PLXNA2: variants seen among roughly 807,000 people sequenced by gnomAD.
PLXNA2 encodes plexin A2.
Under a neutral mutation model 193.5 loss-of-function variants are expected in PLXNA2, and 91 were observed. The observed-to-expected ratio is 0.47, with a 90% CI of 0.40 to 0.56. PLXNA2 has a LOEUF of 0.56. Ranked by LOEUF, PLXNA2 falls within the 20% of genes least tolerant of loss-of-function variation. PLXNA2 has a pLI of 0.00. For missense variants in PLXNA2, 1,995 were observed against 2,503.2 expected (o/e 0.80, Z 4.33); for synonymous variants, 997 against 1,027.3 (o/e 0.97, Z 0.56).
chr1:208,064,977 G>A (rs78454078), intron 12 of PLXNA2, among the ~76,000 whole-genome samples: 12,265 of 152,156 alleles, frequency 0.081, 823 homozygotes, highest in East Asian at 0.34. Context: ...CACAAAGTTG[G>A]CTCTCCTGGA....
At chr1:208,099,411 G>T (rs1195548021) in intron 5 of PLXNA2, among the ~76,000 whole-genome samples, 2 of 152,156 alleles carry the variant, frequency 1.3e-5, no homozygotes, top group Non-Finnish European at 2.9e-5. Flanking sequence ...CTTGGAGTAT[G>T]TCTTATGTAA....
Position 208,033,488 on chromosome 1 carries a change from C to T in PLXNA2, c.4886G>A (p.Gly1629Asp). The change falls in exon 28 of 32, where the codon GGC becomes GAC. Residue 1629 changes from glycine (G) to aspartate (D), a missense_variant. Around this residue, in one of 3 missense-constraint regions of PLXNA2, gnomAD observed 1,291 missense variants for 1,673.6 expected, o/e 0.77. Coordinates refer to ENST00000367033, the MANE Select transcript of PLXNA2 (RefSeq NM_025179.4). ...SRYDSSFRYT[G>D]SPDSLRSRAP... ...CCGGGACCGCAGGCTGTCGGGGCTG[C>T]CCGTATACCTGAAGGAGGAGTCTGA... The T allele has an allele frequency of 6.2e-7, 1 of 1,610,690 alleles. No individual in the cohort carries two copies. Among genetic ancestry groups the T allele is most frequent in the South Asian group, 1.1e-5 (1 of 90,842 alleles).
At chr1:208,034,839 G>C (rs145130702) in intron 26 of PLXNA2, among the ~76,000 whole-genome samples, 1 of 152,160 alleles carries the variant, frequency 6.6e-6, no homozygotes, top group African/African-American at 2.4e-5. Flanking sequence ...TCCCAACTAA[G>C]ATGAGCTGTG....
At chr1:208,231,174 CA>C (rs1280727404) in intron 1 of PLXNA2, among the ~76,000 whole-genome samples, 5 of 151,948 alleles carry the variant, frequency 3.3e-5, no homozygotes, top group African/African-American at 1.2e-4. Context: ...GAGGTTGAGA[CA>C]GGGGGAAGAA....
chr1:208,086,727 A>G (rs1175950854), intron 9 of PLXNA2, among the ~76,000 whole-genome samples: 1 of 147,992 alleles, frequency 6.8e-6, no homozygotes, highest in Middle Eastern at 3.6e-3. Flanking sequence ...CTTGCTCTTT[A>G]CTGCACTTTC....
At chr1:208,149,446 G>C (rs1015895547) in intron 3 of PLXNA2, among the ~76,000 whole-genome samples, 1 of 151,884 alleles carries the variant, frequency 6.6e-6, no homozygotes, top group African/African-American at 2.4e-5. Context: ...TATGAGTATG[G>C]TATGTGTTGT....
chr1:208,142,173 C>G (rs1458536865), intron 4 of PLXNA2, among the ~76,000 whole-genome samples, 156 bp downstream of exon 4: 8 of 152,210 alleles, frequency 5.3e-5, no homozygotes, highest in Non-Finnish European at 1.2e-4. Flanking sequence ...CTCTCTAGCT[C>G]CCTGCAAAAG....
chr1:208,096,950 CT>C (rs1666918997), intron 6 of PLXNA2, 67 bp from the exon 7 acceptor site: 1 of 1,473,234 alleles, frequency 6.8e-7, no homozygotes, highest in African/African-American at 1.4e-5. Flanking sequence ...AGGTCCAGCC[CT>C]GCTGTGACCC....
At chr1:208,190,870 C>T (rs1037166306) in intron 3 of PLXNA2, among the ~76,000 whole-genome samples, 1 of 152,170 alleles carries the variant, frequency 6.6e-6, no homozygotes, top group African/African-American at 2.4e-5. Context: ...TAATAATGGG[C>T]GTTGCTCTGC....
At chr1:208,142,258 T>C (rs1668478649) in intron 4 of PLXNA2, 71 bp downstream of exon 4, 1 of 1,501,948 alleles carries the variant, frequency 6.7e-7, no homozygotes, top group Non-Finnish European at 8.9e-7. Context: ...CTGAACAGTT[T>C]CTGAACAAAG....
Position 208,038,914 on chromosome 1 carries a change from G to T in PLXNA2, c.4571C>A (p.Thr1524Asn). Residue 1524 changes from threonine (T) to asparagine (N), a missense_variant, in exon 25 of 32, where the codon ACC (threonine) becomes AAC (asparagine). Transcript: ENST00000367033. The surrounding 1 kb of genome is among the most constrained non-coding windows in gnomAD (Gnocchi z 4.1). The part of the protein sequence containing the change: ...EIPVKVLNCD[T>N]ITQVKEKILD... ...AATCTTCTCCTTGACCTGTGTGATGGTGTCACAGTTTAACACCTTCACTGG... is the reference window on the plus strand; with the variant it reads ...AATCTTCTCCTTGACCTGTGTGATGTTGTCACAGTTTAACACCTTCACTGG... The T allele has an allele frequency of 6.2e-6, 10 of 1,613,930 alleles. No individual in the cohort carries two copies. The highest frequency in any genetic ancestry group is 8.5e-6 in the Non-Finnish European group (10 of 1,179,900).
chr1:208,026,994 C>A lies in PLXNA2; in HGVS notation c.*249G>T. ...CGTGCCTCTCGGCTTGAAGAACCAC[C>A]TTCTCCCGGCCCCGGGTTCTCTGGT... On this transcript the variant is annotated 3_prime_UTR_variant, in exon 32 of 32. Transcript: ENST00000367033. The A allele has an allele frequency of 2.4e-6, 1 of 411,306 alleles. No individual in the cohort carries two copies. Among genetic ancestry groups the A allele is most frequent in the South Asian group, 4.0e-5 (1 of 24,982 alleles). 25.5% of individuals were successfully genotyped at this position (411,306 alleles called of 1,614,324 possible). A position where few individuals can be genotyped will look rare whatever the true frequency, so the allele number is the denominator to read the frequency against.
chr1:208,192,916 AAC>A (rs1462502264), intron 3 of PLXNA2, among the ~76,000 whole-genome samples: 6 of 150,502 alleles, frequency 4.0e-5, no homozygotes, highest in Non-Finnish European at 7.4e-5. Context: ...AAAAAAAAAA[AAC>A]CATTAGACAA....
At chr1:208,134,932 G>GA (rs1339787736) in intron 4 of PLXNA2, among the ~76,000 whole-genome samples, 1 of 152,150 alleles carries the variant, frequency 6.6e-6, no homozygotes, top group Non-Finnish European at 1.5e-5. Context: ...ACAGGTAGAA[G>GA]ACTTACTGCC....
chr1:208,090,248 A>G (rs1189807476), intron 9 of PLXNA2, among the ~76,000 whole-genome samples: 1 of 152,118 alleles, frequency 6.6e-6, no homozygotes, highest in Non-Finnish European at 1.5e-5. Flanking sequence ...GCCGTACACC[A>G]TTCCTACTCA....
intron 3 of PLXNA2, 172 bp downstream of exon 3, chr1:208,210,108 A>G (rs1203292222): frequency 9.3e-6 from 6 of 641,934 alleles, no homozygotes; most frequent in Non-Finnish European, 1.4e-5. Context: ...TGGAGGAAGT[A>G]GCTAGAAGCT....
intron 21 of PLXNA2, 122 bp from the exon 22 acceptor site, chr1:208,042,488 A>G (rs772356724): frequency 1.0e-6 from 1 of 992,016 alleles, no homozygotes; most frequent in South Asian, 1.6e-5. Flanking sequence ...TTTGAGGCCT[A>G]TAACCAACCC....
chr1:208,060,374 G>C (rs939342415), intron 13 of PLXNA2, among the ~76,000 whole-genome samples: 1 of 152,200 alleles, frequency 6.6e-6, no homozygotes, highest in Non-Finnish European at 1.5e-5. Context: ...GGGCTGACAG[G>C]GGAAGGGCTG....
chr1:208,181,219 G>A (rs898605475), intron 3 of PLXNA2, among the ~76,000 whole-genome samples: 27 of 152,184 alleles, frequency 1.8e-4, no homozygotes, highest in Admixed American at 1.8e-3. Flanking sequence ...GACCCAGGTA[G>A]GCAGACCGAG....
Sources: gnomAD v4.1 joint callset for allele counts (sites outside exome capture counted in the v4.1 genomes callset) on GRCh38, gnomAD v4.1.1 for gene constraint, gnomAD v4.1.1 regional missense constraint, Gnocchi (gnomAD v3.1) non-coding constraint, MANE v1.5 for transcripts, NCBI Gene and HGNC (gene_info 2026-07-23, HGNC 2026-07-21) for gene names.